The following SH3TC2 variants were observed in gnomAD, a reference collection of about 807,000 sequenced individuals.
SH3TC2 encodes SH3 domain and tetratricopeptide repeat-containing protein 2.
A neutral mutation model predicts 124.5 loss-of-function variants in SH3TC2; 87 were observed. That is an observed-to-expected ratio of 0.70 (90% CI 0.59 to 0.84). SH3TC2 has a LOEUF of 0.84. SH3TC2 is among the 40% of genes least tolerant of loss of function. SH3TC2 has a pLI of 0.00. For synonymous variants in SH3TC2, 634 were observed against 628.5 expected, an observed-to-expected ratio of 1.01 and a Z score of -0.13; for missense variants, 1,536 against 1,566.4, an observed-to-expected ratio of 0.98 and a Z score of 0.33.
chr5:149,009,100 G>A, intron 14 of SH3TC2, 99 bp from the exon 15 acceptor site: 1 of 1,447,952 alleles, frequency 6.9e-7, no homozygotes, highest in Non-Finnish European at 9.7e-7. Context: ...TTGGGGAACG[G>A]CAGTGGACTA....
chr5:149,036,551 C>A (rs10056942), intron 8 of SH3TC2, among the ~76,000 whole-genome samples: 36,498 of 152,062 alleles, frequency 0.24, 4,942 homozygotes, highest in African/African-American at 0.36. Flanking sequence ...TATTGGATTT[C>A]ATGTCAGGAT....
chr5:149,013,793 T>A lies in SH3TC2; in HGVS notation c.3054-1059A>T, dbSNP rs1259499837. 2.6e-5 allele frequency among the ~76,000 whole-genome samples: 4 copies of A among 152,306 alleles called. No homozygotes were observed. The East Asian group carries it at 7.7e-4, about 29-fold the overall frequency. ...AAAAACAAGGAAGGAACACTGTGCA[T>A]CATCTAGATAGTAGTTCTCAGTCCT... On this transcript the variant is annotated intron_variant, in intron 12 of 16. Coordinates refer to ENST00000515425, the MANE Select transcript of SH3TC2 (RefSeq NM_024577.4).
Position 148,988,233 on chromosome 5 carries a change from A to G in SH3TC2, c.*16478T>C, listed in dbSNP as rs1753365320. On this transcript the variant is annotated 3_prime_UTR_variant, in exon 17 of 17. Coordinates refer to ENST00000515425, the MANE Select transcript of SH3TC2 (RefSeq NM_024577.4). ...ACAAAGCATCTTTACTCCTTCTCCCATGGACATGAAAATCATTATCAAAAA... is the reference window on the plus strand; with the variant it reads ...ACAAAGCATCTTTACTCCTTCTCCCGTGGACATGAAAATCATTATCAAAAA... Among the ~76,000 whole-genome samples, 1 of 152,204 alleles carries G rather than the reference A, an allele frequency of 6.6e-6. No individual in the cohort carries two copies. Among genetic ancestry groups the G allele is most frequent in the Admixed American group, 6.5e-5 (1 of 15,268 alleles).
Position 149,059,952 on chromosome 5 carries a change from T to C in SH3TC2, c.52+3019A>G, listed in dbSNP as rs537075298. On this transcript the variant is annotated intron_variant, in intron 1 of 16. Coordinates refer to ENST00000515425, the MANE Select transcript of SH3TC2 (RefSeq NM_024577.4). ...TACAGCTAGATGGTGGGCTAACTAT[T>C]CTAATATCCTCTATTATCAGTAGTT... Among the ~76,000 whole-genome samples, 7 of 152,334 alleles carry C rather than the reference T, an allele frequency of 4.6e-5. No homozygotes were observed. The South Asian group carries it at 1.5e-3, about 32-fold the overall frequency.
At chr5:149,017,516 C>A (rs1341642408) in intron 12 of SH3TC2, among the ~76,000 whole-genome samples, 1 of 152,042 alleles carries the variant, frequency 6.6e-6, no homozygotes, top group Admixed American at 6.6e-5. Context: ...ACCTGTGTGC[C>A]CCCCGCCCCA....
At chr5:149,026,486 T>G in intron 12 of SH3TC2, 86 bp downstream of exon 12, 2 of 1,537,316 alleles carry the variant, frequency 1.3e-6, no homozygotes, top group Non-Finnish European at 9.0e-7. Context: ...ACCATGTACA[T>G]TTGGACTTGC....
intron 1 of SH3TC2, among the ~76,000 whole-genome samples, chr5:149,060,247 C>T (rs1021241890): frequency 1.3e-5 from 2 of 152,210 alleles, no homozygotes; most frequent in Non-Finnish European, 2.9e-5. Flanking sequence ...TTTGACATGG[C>T]TTTCTCTGTG....
chr5:149,060,221 T>C (rs1415548726), intron 1 of SH3TC2, among the ~76,000 whole-genome samples: 1 of 152,228 alleles, frequency 6.6e-6, no homozygotes, highest in African/African-American at 2.4e-5. Flanking sequence ...TGCTAGAAGT[T>C]TTTTGATCAA....
intron 12 of SH3TC2, among the ~76,000 whole-genome samples, chr5:149,018,301 C>A (rs1471947191): frequency 6.6e-6 from 1 of 152,138 alleles, no homozygotes. Context: ...TGCCCACCAA[C>A]CTCCATATCT....
intron 12 of SH3TC2, among the ~76,000 whole-genome samples, chr5:149,018,334 C>G (rs1007859590): frequency 6.6e-6 from 1 of 152,094 alleles, no homozygotes; most frequent in Admixed American, 6.5e-5. Flanking sequence ...GAAGTTGAGT[C>G]TTCTTTGCAC....
At chr5:149,058,075 G>A (rs894971227) in intron 1 of SH3TC2, among the ~76,000 whole-genome samples, 3 of 152,122 alleles carry the variant, frequency 2.0e-5, no homozygotes, top group African/African-American at 7.2e-5. Context: ...ACAGAGCTTA[G>A]GAAAGATAGC....
At position 149,008,861 on chromosome 5, in the gene SH3TC2, G is replaced by A; in HGVS notation, c.3468C>T (p.Ser1156=). The part of the protein sequence containing the change: ...LEFATLAARL[S]TVTGDQRQEL... ...GTGAAGACCACCCACCTGTGACTGT[G>A]CTGAGCCTGGCGGCCAGGGTGGCAA... The change falls in exon 15 of 17, where the codon AGC becomes AGT. Residue 1156 remains serine (S), a synonymous_variant. Transcript: ENST00000515425. 1 of 1,614,154 alleles carries A rather than the reference G, an allele frequency of 6.2e-7. No individual in the cohort carries two copies. The highest frequency in any genetic ancestry group is 8.5e-7 in the Non-Finnish European group (1 of 1,180,044).
chr5:148,992,390 AG>A lies in SH3TC2; in HGVS notation c.*12320del, dbSNP rs1462181571. Among the ~76,000 whole-genome samples the A allele has an allele frequency of 3.3e-5, 5 of 152,190 alleles. No homozygotes were observed. The highest frequency in any genetic ancestry group is 9.6e-5 in the African/African-American group (4 of 41,458). On this transcript the variant is annotated 3_prime_UTR_variant, in exon 17 of 17. Transcript: ENST00000515425. ...GATGTCTCCATTTTTATCCATAAGC[AG>A]TATGTATGTCAGTTCTCAGGCATCA...
intron 16 of SH3TC2, among the ~76,000 whole-genome samples, chr5:149,005,480 C>T (rs531182180): frequency 6.6e-6 from 1 of 152,264 alleles, no homozygotes; most frequent in African/African-American, 2.4e-5. Flanking sequence ...CAGTAAGTTG[C>T]CTTTTTTGCT....
At chr5:149,013,477 G>T (rs1753819102) in intron 12 of SH3TC2, among the ~76,000 whole-genome samples, 1 of 152,138 alleles carries the variant, frequency 6.6e-6, no homozygotes, top group East Asian at 1.9e-4. Context: ...GCATGAGAAT[G>T]AACTATTACA....
At chr5:149,005,847 G>T (rs535166424) in intron 16 of SH3TC2, among the ~76,000 whole-genome samples, 7 of 152,126 alleles carry the variant, frequency 4.6e-5, no homozygotes, top group African/African-American at 1.7e-4. Flanking sequence ...AGAGATTAAG[G>T]GTTGTGCTTC....
At chr5:149,021,944 C>G (rs1232306391) in intron 12 of SH3TC2, among the ~76,000 whole-genome samples, 3 of 20,508 alleles carry the variant, frequency 1.5e-4, no homozygotes, top group Admixed American at 7.4e-4. Flanking sequence ...GACGGAGTCT[C>G]GCTCTGTCGC....
In SH3TC2 at chr5:149,042,856, A is replaced by C; in HGVS notation, c.386-19T>G. The C allele has an allele frequency of 6.2e-7, 1 of 1,613,872 alleles. No individual in the cohort carries two copies. Among genetic ancestry groups the C allele is most frequent in the Non-Finnish European group, 8.5e-7 (1 of 1,180,002 alleles). On this transcript the variant is annotated intron_variant, in intron 4 of 16. Transcript: ENST00000515425. ...ACGTAGCCTAAGAAGTCAAGCCAAC[A>C]AGATTTCTGAACAAAATGATTTCTG...
intron 3 of SH3TC2, chr5:149,045,941 G>A (rs930234491): frequency 1.9e-5 from 8 of 416,968 alleles, no homozygotes; most frequent in Admixed American, 2.7e-5. Context: ...CACCGCACCC[G>A]GCCTGGTTTT....
Sources: allele counts gnomAD v4.1 joint callset (sites outside exome capture counted in the v4.1 genomes callset), GRCh38; gene constraint gnomAD v4.1.1; transcripts MANE v1.5; gene names NCBI Gene and HGNC (gene_info 2026-07-23, HGNC 2026-07-21).